NRG1: variants seen among roughly 807,000 people sequenced by gnomAD.
NRG1 encodes neuregulin 1, also known as pro-neuregulin-1, membrane-bound isoform.
A neutral mutation model predicts 63.8 loss-of-function variants in NRG1; 18 were observed. The ratio of observed to expected loss-of-function variants is 0.28; its 90% CI spans 0.19 to 0.42. NRG1 has a LOEUF of 0.42. Ranked by LOEUF, NRG1 falls within the 10% of genes least tolerant of loss-of-function variation. The pLI, the probability that NRG1 is intolerant of heterozygous loss-of-function variation, is 1.00. For missense variants in NRG1, 762 were observed against 814.7 expected, an observed-to-expected ratio of 0.94 and a Z score of 0.79; for synonymous variants, 302 against 301.3, an observed-to-expected ratio of 1.00 and a Z score of -0.02.
intron 1 of NRG1, among the ~76,000 whole-genome samples, chr8:32,453,320 G>GT (rs1803972923): frequency 6.6e-6 from 1 of 152,076 alleles, no homozygotes; most frequent in African/African-American, 2.4e-5. Flanking sequence ...GACAATCTAC[G>GT]TATCAGAGCC....
chr8:32,623,524 T>C (rs531333398), intron 5 of NRG1, among the ~76,000 whole-genome samples: 19 of 151,344 alleles, frequency 1.3e-4, no homozygotes, highest in African/African-American at 4.6e-4. Context: ...GACAAACAAA[T>C]TATCATGCAT....
chr8:32,233,031 GC>G (rs1311552346), intron 1 of NRG1, among the ~76,000 whole-genome samples: 1 of 151,960 alleles, frequency 6.6e-6, no homozygotes, highest in Non-Finnish European at 1.5e-5. Context: ...TTCTATGTAT[GC>G]CATCTTATTA....
downstream of NRG1, among the ~76,000 whole-genome samples, chr8:32,772,109 C>T (rs148179578): frequency 3.3e-3 from 466 of 143,376 alleles, 5 homozygotes; most frequent in African/African-American, 0.012. Context: ...CAAAAGTCTG[C>T]AGAGTGACCA....
intron 1 of NRG1, among the ~76,000 whole-genome samples, chr8:31,687,796 G>A (rs1809057713): frequency 6.6e-6 from 1 of 152,228 alleles, no homozygotes; most frequent in African/African-American, 2.4e-5. Context: ...TTAGTGCCAT[G>A]TTTGGCCAAA....
chr8:32,167,722 A>C (rs2131973799), intron 1 of NRG1, among the ~76,000 whole-genome samples: 1 of 152,352 alleles, frequency 6.6e-6, no homozygotes, highest in East Asian at 1.9e-4. Flanking sequence ...CTTTGCCAGC[A>C]GCACATGATG....
chr8:31,694,890 G>T (rs1416341820), intron 1 of NRG1, among the ~76,000 whole-genome samples: 1 of 152,124 alleles, frequency 6.6e-6, no homozygotes, highest in Non-Finnish European at 1.5e-5. Context: ...CTTTTTATTG[G>T]GGGAAAAGTG....
At chr8:32,508,479 A>G (rs1302910691) in intron 1 of NRG1, among the ~76,000 whole-genome samples, 1 of 147,568 alleles carries the variant, frequency 6.8e-6, no homozygotes, top group African/African-American at 2.5e-5. Flanking sequence ...TTGTATTTTT[A>G]GTAGAGACAG....
At chr8:32,662,677 A>T (rs1803160352) in intron 5 of NRG1, among the ~76,000 whole-genome samples, 1 of 152,158 alleles carries the variant, frequency 6.6e-6, no homozygotes, top group Non-Finnish European at 1.5e-5. Context: ...GGATTATTAG[A>T]TTCTGAATAT....
At chr8:32,472,256 T>A (rs1363471783) in intron 1 of NRG1, among the ~76,000 whole-genome samples, 1 of 152,170 alleles carries the variant, frequency 6.6e-6, no homozygotes, top group Admixed American at 6.5e-5. Flanking sequence ...CTGCAACCTC[T>A]ACCCCTGGGT....
chr8:32,608,230 G>C (rs1169169742), intron 3 of NRG1, among the ~76,000 whole-genome samples: 1 of 151,294 alleles, frequency 6.6e-6, no homozygotes, highest in Admixed American at 6.6e-5. Context: ...CCAGGCTAGG[G>C]TGCAGAGGTG....
At chr8:32,252,203 G>T (rs963994136) in intron 1 of NRG1, among the ~76,000 whole-genome samples, 6 of 152,196 alleles carry the variant, frequency 3.9e-5, no homozygotes, top group Middle Eastern at 3.4e-3. Flanking sequence ...AGTTTAATTA[G>T]ATCCTGTTCA....
intron 1 of NRG1, among the ~76,000 whole-genome samples, chr8:32,100,528 T>G (rs1830434478): frequency 6.6e-6 from 1 of 152,136 alleles, no homozygotes; most frequent in African/African-American, 2.4e-5. Context: ...GCTCTTCTCA[T>G]TATACAGCAC....
intron 1 of NRG1, among the ~76,000 whole-genome samples, chr8:31,768,842 G>C (rs1818333293): frequency 6.6e-6 from 1 of 152,184 alleles, no homozygotes; most frequent in East Asian, 1.9e-4. Flanking sequence ...TGTCATAGAA[G>C]AGTCAACATT....
intron 1 of NRG1, among the ~76,000 whole-genome samples, chr8:31,864,551 A>G (rs1481618): frequency 0.66 from 100,094 of 151,890 alleles, 33,407 homozygotes; most frequent in East Asian, 0.92. Flanking sequence ...GCAGGGGGGA[A>G]TGAGGTGCAT....
chr8:32,764,399 A>T, exon 12 of NRG1: 1 of 1,554,938 alleles, frequency 6.4e-7, no homozygotes, highest in Non-Finnish European at 8.7e-7. Flanking sequence ...CTATTGCTGT[A>T]TAAAACCTAA....
At chr8:32,617,301 A>G (rs1311870538) in intron 5 of NRG1, among the ~76,000 whole-genome samples, 15 of 152,248 alleles carry the variant, frequency 9.9e-5, no homozygotes, top group Admixed American at 9.8e-4. Context: ...CTTCATTCTC[A>G]TATAAAGTTA....
At chr8:32,014,268 C>T (rs533796516) in intron 1 of NRG1, among the ~76,000 whole-genome samples, 9 of 152,208 alleles carry the variant, frequency 5.9e-5, no homozygotes, top group Admixed American at 2.6e-4. Flanking sequence ...AGGTTCTTCA[C>T]GTCCCTTGTA....
At chr8:32,664,977 C>G (rs1209116554) in intron 5 of NRG1, among the ~76,000 whole-genome samples, 1 of 152,128 alleles carries the variant, frequency 6.6e-6, no homozygotes, top group Non-Finnish European at 1.5e-5. Flanking sequence ...CCTGATGAAG[C>G]TGCTCAGTTA....
At chr8:32,696,421 T>G (rs1252257085) in intron 5 of NRG1, among the ~76,000 whole-genome samples, 1 of 152,162 alleles carries the variant, frequency 6.6e-6, no homozygotes, top group Non-Finnish European at 1.5e-5. Context: ...TGCCTTTGCT[T>G]TTTCATTCAC....
Sources: gnomAD v4.1 joint callset for allele counts (sites outside exome capture counted in the v4.1 genomes callset) on GRCh38, gnomAD v4.1.1 for gene constraint, MANE v1.5 for transcripts, NCBI Gene and HGNC (gene_info 2026-07-23, HGNC 2026-07-21) for gene names.